The following TJP2 variants were observed in gnomAD, a reference collection of about 807,000 sequenced individuals.
TJP2 encodes Friedreich ataxia region gene X104 (tight junction protein ZO-2).
In TJP2, 91 loss-of-function variants were observed where a neutral mutation model predicts 133.1. The ratio of observed to expected loss-of-function variants is 0.68; its 90% confidence interval spans 0.58 to 0.81. The LOEUF is 0.81. Among genes scored for constraint, TJP2 ranks in the 40% least tolerant of loss-of-function variants. TJP2 has a pLI of 0.00. For missense variants in TJP2, 1,541 were observed against 1,565.6 expected, an observed-to-expected ratio of 0.98 and a Z score of 0.26; for synonymous variants, 592 against 583.4, an observed-to-expected ratio of 1.01 and a Z score of -0.21.
chr9:69,223,289 CTGTTTTGTTTTGTTTTGTTT>C (rs10594219), intron 5 of TJP2, among the ~76,000 whole-genome samples: 234 of 150,126 alleles, frequency 1.6e-3, no homozygotes, highest in African/African-American at 3.1e-3. Context: ...GGCTTCGTTT[CTGTTTTGTTTTGTTTTGTTT>C]TGTTTTGTTT....
In TJP2 at chr9:69,252,874, A is replaced by G. The variant is rs1198626530; in HGVS notation, c.3381A>G (p.Pro1127=). Residue 1127 remains proline (P), a synonymous_variant, in exon 22 of 23, where the codon CCA becomes CCG. Coordinates refer to ENST00000377245, the MANE Select transcript of TJP2 (RefSeq NM_004817.4). Reference sequence around the variant, plus strand: ...CAGTTCCAATCAAAACGCACAAGCCAGACCCTGGCACGCCCCAGCACACGA... The same window carrying G: ...CAGTTCCAATCAAAACGCACAAGCCGGACCCTGGCACGCCCCAGCACACGA... ...IYAVPIKTHK[P]DPGTPQHTSS... 1.2e-6 allele frequency: 2 copies of G among 1,614,250 alleles called. No individual in the cohort carries two copies. The highest frequency in any genetic ancestry group is 8.5e-7 in the Non-Finnish European group (1 of 1,180,044).
intron 1 of TJP2, among the ~76,000 whole-genome samples, chr9:69,193,205 C>T (rs1482346708): frequency 2.6e-5 from 4 of 152,026 alleles, no homozygotes; most frequent in South Asian, 2.1e-4. Flanking sequence ...CATGAGCCAC[C>T]GTGCCTGGCT....
intron 1 of TJP2, among the ~76,000 whole-genome samples, chr9:69,187,747 C>T (rs1309654308): frequency 1.3e-5 from 2 of 152,056 alleles, no homozygotes; most frequent in African/African-American, 4.8e-5. Flanking sequence ...TGATTGTGAG[C>T]TCTTGAGAGC....
rs146952616 is a variant in TJP2, at chr9:69,203,318, T to C, written c.61-9230T>C. On this transcript the variant is annotated intron_variant, in intron 1 of 22. Coordinates refer to ENST00000377245, the MANE Select transcript of TJP2 (RefSeq NM_004817.4). ...ACCCATTTATTTATATAATAAATAA[T>C]TTATTATTATTTTTTTGAGACGGAG... 9.6e-3 allele frequency among the ~76,000 whole-genome samples: 1,445 copies of C among 151,194 alleles called. 31 individuals carry two copies. The highest frequency in any genetic ancestry group is 0.032 in the African/African-American group (1,332 of 41,192).
At position 69,125,245 on chromosome 9, in the gene TJP2, G is replaced by A. The variant is rs1164571616; in HGVS notation, c.-131+3520G>A. On this transcript the variant is annotated intron_variant, in intron 1 of 5. Transcript: ENST00000423935. ...TAGGATTACAGGTGTGAGCCACTGC[G>A]CCCGGCCAAGTCAAAGTCTTTATAC... Among the ~76,000 whole-genome samples the A allele has an allele frequency of 2.8e-5, 2 of 72,006 alleles. 1 individual carries two copies. Among genetic ancestry groups the A allele is most frequent in the Admixed American group, 4.2e-4 (2 of 4,714 alleles). The allele number at this position is 72,006 out of a possible 152,430, so 47.2% of individuals were successfully genotyped here.
intron 1 of TJP2, among the ~76,000 whole-genome samples, chr9:69,135,016 C>T (rs967325725): frequency 2.6e-5 from 4 of 151,952 alleles, no homozygotes; most frequent in African/African-American, 9.7e-5. Context: ...CTCATTCTCT[C>T]TCTTGTTGTA....
chr9:69,207,374 G>A (rs1827515087), intron 1 of TJP2, among the ~76,000 whole-genome samples: 1 of 152,026 alleles, frequency 6.6e-6, no homozygotes, highest in Non-Finnish European at 1.5e-5. Context: ...CTTTTGTGGT[G>A]GTCTATGTGA....
chr9:69,200,498 C>G (rs1826908141), intron 1 of TJP2, among the ~76,000 whole-genome samples: 1 of 152,212 alleles, frequency 6.6e-6, no homozygotes, highest in Non-Finnish European at 1.5e-5. Flanking sequence ...AGTGATCCTC[C>G]TGCCTCAGTG....
At chr9:69,143,838 C>A (rs1047011557) in intron 1 of TJP2, among the ~76,000 whole-genome samples, 4 of 152,074 alleles carry the variant, frequency 2.6e-5, no homozygotes, top group African/African-American at 4.8e-5. Context: ...CTGTAATATA[C>A]CCTGTCAGAG....
rs568892841 is a variant in TJP2 at position 69,126,291 on chromosome 9, CAA to C, written c.-131+4567_-131+4568del. Among the ~76,000 whole-genome samples, 18 of 77,384 alleles carry C rather than the reference CAA, an allele frequency of 2.3e-4. 7 individuals are homozygous for C. The highest frequency in any genetic ancestry group is 4.5e-4 in the Non-Finnish European group (15 of 33,574). The allele number at this position is 77,384 out of a possible 152,430, so 50.8% of individuals were successfully genotyped here. A position where few individuals can be genotyped will look rare whatever the true frequency, so the allele number is the denominator to read the frequency against. ...ATAAATTTCAAAAGAGCAAAGGACT[CAA>C]GAGCCAAGGGTTCTTTTCATGGTAC... On this transcript the variant is annotated intron_variant, in intron 1 of 5. Coordinates refer to the TJP2 transcript ENST00000423935.
intron 2 of TJP2, among the ~76,000 whole-genome samples, chr9:69,166,970 C>T (rs1320367660): frequency 1.3e-5 from 2 of 151,256 alleles, no homozygotes; most frequent in East Asian, 2.0e-4. Context: ...CAGTGGCTCA[C>T]GCCCATAATC....
chr9:69,215,882 A>G (rs527837839), intron 2 of TJP2, among the ~76,000 whole-genome samples: 1 of 152,296 alleles, frequency 6.6e-6, no homozygotes, highest in Non-Finnish European at 1.5e-5. Context: ...CAGCCTAGCA[A>G]CAGATCAAAA....
intron 5 of TJP2, among the ~76,000 whole-genome samples, chr9:69,224,038 A>G (rs1290226434): frequency 1.3e-5 from 2 of 152,196 alleles, no homozygotes; most frequent in Non-Finnish European, 2.9e-5. Context: ...AAAATAATGT[A>G]TTTTTACAAG....
intron 17 of TJP2, among the ~76,000 whole-genome samples, chr9:69,242,520 A>G (rs570827863): frequency 6.6e-6 from 1 of 152,358 alleles, no homozygotes; most frequent in Admixed American, 6.5e-5. Flanking sequence ...CACTGTAAGC[A>G]TTGAGTTTCA....
intron 1 of TJP2, among the ~76,000 whole-genome samples, chr9:69,133,237 C>T (rs1171700420): frequency 1.3e-5 from 2 of 152,218 alleles, no homozygotes; most frequent in East Asian, 1.9e-4. Context: ...GCTGGGATTA[C>T]AGGCATGAGC....
intron 1 of TJP2, among the ~76,000 whole-genome samples, chr9:69,184,752 C>CTTCT (rs1825736166): frequency 7.9e-6 from 1 of 125,860 alleles, no homozygotes; most frequent in Non-Finnish European, 1.6e-5. Context: ...TCTCTCTCTT[C>CTTCT]TTTTTTTTTT....
chr9:69,230,358 G>T, intron 11 of TJP2, 126 bp downstream of exon 11: 1 of 1,219,028 alleles, frequency 8.2e-7, no homozygotes, highest in Admixed American at 1.9e-5. Context: ...GTTTGTTGAT[G>T]CCCAGCATTG....
At position 69,174,380 on chromosome 9, in the gene TJP2, T is replaced by G; in HGVS notation, c.8T>G (p.Val3Gly). 1 of 1,551,830 alleles carries G rather than the reference T, an allele frequency of 6.4e-7. No individual in the cohort carries two copies. The highest frequency in any genetic ancestry group is 2.4e-5 in the East Asian group (1 of 41,028). Residue 3 changes from valine (V) to glycine (G), a missense_variant, in exon 1 of 23, where the codon GTG (valine) becomes GGG (glycine). Physicochemically the swap from Val to Gly is moderately radical, Grantham distance 109. Coordinates refer to ENST00000377245, the MANE Select transcript of TJP2 (RefSeq NM_004817.4). The part of the protein sequence containing the change: MP[V>G]RGDRGFPPRR... ...GCGGGACCTGTGTCCGAAATGCCGG[T>G]GCGAGGAGACCGCGGGTTTCCACCC...
Position 69,218,362 on chromosome 9 carries a change from A to G in TJP2, c.342+3A>G. Reference sequence around the variant, plus strand: ...AAAGTGGGAAGGTCGCTGCTATTGTAAGTACTGGGTTTGCTTTCAGCTTGC... The same window carrying G: ...AAAGTGGGAAGGTCGCTGCTATTGTGAGTACTGGGTTTGCTTTCAGCTTGC... On this transcript the variant is annotated splice_donor_region_variant and intron_variant, in intron 4 of 22. Coordinates refer to ENST00000377245, the MANE Select transcript of TJP2 (RefSeq NM_004817.4). The G allele has an allele frequency of 6.2e-7, 1 of 1,613,248 alleles. No individual in the cohort carries two copies. Among genetic ancestry groups the G allele is most frequent in the Non-Finnish European group, 8.5e-7 (1 of 1,179,206 alleles).
Sources: gnomAD v4.1 joint callset for allele counts (sites outside exome capture counted in the v4.1 genomes callset) on GRCh38, gnomAD v4.1.1 for gene constraint, MANE v1.5 for transcripts, NCBI Gene and HGNC (gene_info 2026-07-23, HGNC 2026-07-21) for gene names.